KDM3B: variants seen among roughly 807,000 people sequenced by gnomAD.
The protein encoded by KDM3B is lysine-specific demethylase 3B.
In KDM3B, 10 loss-of-function variants were observed where a neutral mutation model predicts 170.0. That is an observed-to-expected ratio of 0.06 (90% CI 0.04 to 0.10). The LOEUF (loss-of-function observed/expected upper bound fraction) is 0.10, where lower values mean the gene tolerates loss of function less well. Among genes scored for constraint, KDM3B ranks in the 10% least tolerant of loss-of-function variants. The probability of loss-of-function intolerance (pLI) is 1.00; values close to 1 mark genes in which losing one functional copy is unlikely to be tolerated. For missense variants in KDM3B, 1,394 were observed against 2,195.2 expected, an observed-to-expected ratio of 0.64 and a Z score of 7.29; for synonymous variants, 831 against 834.8, an observed-to-expected ratio of 1.00 and a Z score of 0.08.
intron 4 of KDM3B, among the ~76,000 whole-genome samples, chr5:138,378,923 A>G (rs1424940158): frequency 6.6e-6 from 1 of 151,964 alleles, no homozygotes; most frequent in Non-Finnish European, 1.5e-5. Context: ...TCAAATGTAC[A>G]AGGATATGTG....
chr5:138,409,116 T>G (rs1056384402), intron 11 of KDM3B, among the ~76,000 whole-genome samples: 3 of 152,198 alleles, frequency 2.0e-5, no homozygotes, highest in African/African-American at 7.2e-5. Context: ...CCTCTTAGGT[T>G]CAGGAACAAA....
At chr5:138,433,272 C>T (rs534055918) in intron 23 of KDM3B, among the ~76,000 whole-genome samples, 16 of 151,626 alleles carry the variant, frequency 1.1e-4, no homozygotes, top group African/African-American at 3.4e-4. Context: ...CCACTGTGCC[C>T]GGCTAATTTT....
At chr5:138,387,413 C>T (rs761681867) in intron 7 of KDM3B, among the ~76,000 whole-genome samples, 1 of 152,072 alleles carries the variant, frequency 6.6e-6, no homozygotes, top group Non-Finnish European at 1.5e-5. Flanking sequence ...AGATGAAATG[C>T]TTAATGATTT....
intron 11 of KDM3B, among the ~76,000 whole-genome samples, chr5:138,410,611 G>A (rs1175157337): frequency 6.6e-6 from 1 of 152,118 alleles, no homozygotes; most frequent in African/African-American, 2.4e-5. Context: ...AAAGACAGCT[G>A]GGCCCGGGGG....
intron 6 of KDM3B, 62 bp downstream of exon 6, chr5:138,381,652 G>C: frequency 9.7e-7 from 1 of 1,032,560 alleles, no homozygotes; most frequent in Non-Finnish European, 1.5e-6. Context: ...GCTGTGTGTA[G>C]ATCCCTTATA....
At chr5:138,424,431 A>G (rs1271739311) in intron 16 of KDM3B, 90 bp downstream of exon 16, 17 of 1,429,564 alleles carry the variant, frequency 1.2e-5, no homozygotes, top group Non-Finnish European at 1.4e-5. Context: ...TTTGCCAGGG[A>G]GATTTAGACA....
chr5:138,435,549 CTTACAGT>C (rs1373969641), intron 23 of KDM3B, 64 bp from the exon 24 acceptor site: 1 of 1,223,094 alleles, frequency 8.2e-7, no homozygotes, highest in African/African-American at 1.5e-5. Flanking sequence ...AACCAGTAGG[CTTACAGT>C]CAAGGTAGAA....
chr5:138,379,745 TC>T (rs1762081993), intron 5 of KDM3B, 37 bp downstream of exon 5: 1 of 1,588,490 alleles, frequency 6.3e-7, no homozygotes, highest in Non-Finnish European at 8.6e-7. Flanking sequence ...GGTCCATCCA[TC>T]CCCTTAAAGA....
At chr5:138,364,645 G>A (rs1180043814) in intron 1 of KDM3B, among the ~76,000 whole-genome samples, 2 of 151,432 alleles carry the variant, frequency 1.3e-5, no homozygotes, top group Admixed American at 1.3e-4. Flanking sequence ...TATGGAATAA[G>A]CATTTATCTG....
At chr5:138,359,224 C>T (rs531988722) in intron 1 of KDM3B, among the ~76,000 whole-genome samples, 10 of 151,310 alleles carry the variant, frequency 6.6e-5, no homozygotes, top group African/African-American at 7.3e-5. Flanking sequence ...TGCAGTGGTG[C>T]GGTCTTGGCT....
At position 138,352,849 on chromosome 5, in the gene KDM3B, G is replaced by A; in HGVS notation, c.54G>A (p.Ala18=). 2.9e-6 allele frequency: 4 copies of A among 1,371,840 alleles called. No individual in the cohort carries two copies. Among genetic ancestry groups the A allele is most frequent in the South Asian group, 3.1e-5 (2 of 64,282 alleles). 85.0% of individuals were successfully genotyped at this position (1,371,840 alleles called of 1,614,324 possible). A position where few individuals can be genotyped will look rare whatever the true frequency, so the allele number is the denominator to read the frequency against. The part of the protein sequence containing the change: ...PVGKRLLLLF[A]DTAASASASA... ...GCAAGCGGCTGCTGCTGCTGTTCGC[G>A]GACACTGCGGCCTCAGCCTCGGCCT... The change falls in exon 1 of 24, where the codon GCG becomes GCA. Residue 18 remains alanine, a synonymous_variant. Coordinates refer to ENST00000314358, the MANE Select transcript of KDM3B (RefSeq NM_016604.4).
intron 11 of KDM3B, among the ~76,000 whole-genome samples, chr5:138,413,838 A>T (rs1467507714): frequency 6.6e-6 from 1 of 151,816 alleles, no homozygotes; most frequent in Non-Finnish European, 1.5e-5. Context: ...GGCTGGTCTC[A>T]AGCTCCTGGG....
At chr5:138,431,156 G>A (rs1056494901) in intron 22 of KDM3B, among the ~76,000 whole-genome samples, 12 of 150,928 alleles carry the variant, frequency 8.0e-5, no homozygotes, top group Non-Finnish European at 1.0e-4. Flanking sequence ...CCATATCACC[G>A]TATCAAGCCC....
Position 138,377,755 on chromosome 5 carries a change from A to G in KDM3B, c.510A>G (p.Glu170=). The G allele has an allele frequency of 4.3e-6, 7 of 1,614,018 alleles. No individual in the cohort carries two copies. Among genetic ancestry groups the G allele is most frequent in the Non-Finnish European group, 5.9e-6 (7 of 1,179,928 alleles). Residue 170 remains glutamate, a synonymous_variant, in exon 4 of 24, where the codon GAA becomes GAG. Coordinates refer to ENST00000314358, the MANE Select transcript of KDM3B (RefSeq NM_016604.4). ...ATAGCCAAAACCAGATTCTTTTGGA[A>G]CATGCTGCACTGAGAGAAACAGTTA... is the stretch of plus-strand genomic sequence containing the variant. ...GTDSQNQILL[E]HAALRETVNA...
intron 12 of KDM3B, 126 bp downstream of exon 12, chr5:138,415,365 G>T: frequency 1.9e-6 from 1 of 539,100 alleles, no homozygotes; most frequent in South Asian, 3.1e-5. Flanking sequence ...ATTTCTCTGA[G>T]AATTTGGATC....
Position 138,431,506 on chromosome 5 carries a change from C to G in KDM3B, c.5152C>G (p.Gln1718Glu). 1 of 1,612,054 alleles carries G rather than the reference C, an allele frequency of 6.2e-7. No homozygotes were observed. Among genetic ancestry groups the G allele is most frequent in the Non-Finnish European group, 8.5e-7 (1 of 1,179,162 alleles). Residue 1718 changes from glutamine (Q) to glutamate (E), a missense_variant, in exon 23 of 24, where the codon CAG becomes GAG. Coordinates refer to ENST00000314358, the MANE Select transcript of KDM3B (RefSeq NM_016604.4). ...TGTAAAGCACTGTTTCCGCCTGACT[C>G]AGGAATTCAGGCATCTCTCTAACAC... ...EHVKHCFRLT[Q>E]EFRHLSNTHT...
intron 14 of KDM3B, among the ~76,000 whole-genome samples, chr5:138,420,400 A>G (rs1222025525): frequency 6.6e-6 from 1 of 152,254 alleles, no homozygotes; most frequent in Admixed American, 6.5e-5. Flanking sequence ...ACTTCAGTAC[A>G]GGTATCCTGA....
At chr5:138,357,800 A>G (rs1256423383) in intron 1 of KDM3B, among the ~76,000 whole-genome samples, 1 of 151,330 alleles carries the variant, frequency 6.6e-6, no homozygotes, top group Admixed American at 6.6e-5. Flanking sequence ...GCTCACTGCA[A>G]CCTCTGCTTC....
intron 11 of KDM3B, among the ~76,000 whole-genome samples, chr5:138,404,558 C>T (rs1488195666): frequency 6.6e-6 from 1 of 151,552 alleles, no homozygotes; most frequent in African/African-American, 2.4e-5. Flanking sequence ...ACCTGGGAAG[C>T]CAAGGTTGTG....
Sources: allele counts gnomAD v4.1 joint callset (sites outside exome capture counted in the v4.1 genomes callset), GRCh38; gene constraint gnomAD v4.1.1; transcripts MANE v1.5; gene names NCBI Gene and HGNC (gene_info 2026-07-23, HGNC 2026-07-21).